The following ATF6 variants were observed in gnomAD, a reference collection of about 807,000 sequenced individuals.
ATF6 encodes activating transcription factor 6, also known as cyclic AMP-dependent transcription factor ATF-6 alpha.
A neutral mutation model predicts 83.6 loss-of-function variants in ATF6; 53 were observed. The ratio of observed to expected loss-of-function variants is 0.63; its 90% CI spans 0.51 to 0.80. The LOEUF (loss-of-function observed/expected upper bound fraction) is 0.80. Ranked by LOEUF, ATF6 falls within the 30% of genes least tolerant of loss-of-function variation. The probability of loss-of-function intolerance (pLI) is 0.00; values close to 1 mark genes in which losing one functional copy is unlikely to be tolerated. For synonymous variants in ATF6, 288 were observed against 285.8 expected (o/e 1.01, Z -0.08); for missense variants, 744 against 797.9 (o/e 0.93, Z 0.81).
chr1:161,889,175 A>C (rs1208957435), intron 14 of ATF6, among the ~76,000 whole-genome samples: 1 of 152,238 alleles, frequency 6.6e-6, no homozygotes, highest in African/African-American at 2.4e-5. Flanking sequence ...GCACATGTGT[A>C]TAGTTGAAGC....
intron 1 of ATF6, among the ~76,000 whole-genome samples, chr1:161,769,538 C>T (rs1684338130): frequency 6.6e-6 from 1 of 152,122 alleles, no homozygotes; most frequent in South Asian, 2.1e-4. Flanking sequence ...CAGGGAGGCA[C>T]AGGAAATGTT....
chr1:161,768,853 C>T (rs1480489655), intron 1 of ATF6, among the ~76,000 whole-genome samples: 1 of 152,080 alleles, frequency 6.6e-6, no homozygotes, highest in Non-Finnish European at 1.5e-5. Context: ...AGGCTCAAGC[C>T]ACTGTGTCTA....
rs1571266231 is a variant in ATF6, at chr1:161,960,499, C to T, written c.*1845C>T. On this transcript the variant is annotated 3_prime_UTR_variant, in exon 16 of 16. Transcript: ENST00000367942. ...TTTAAAGAACCATCAGCACTTCTAA[C>T]TCTCTGGACAGGTGCCTCTTTGTCC... The T allele has an allele frequency of 6.6e-6, 1 of 152,244 alleles. No individual in the cohort carries two copies. Among genetic ancestry groups the T allele is most frequent in the Non-Finnish European group, 1.5e-5 (1 of 68,046 alleles). The allele number at this position is 152,244 out of a possible 1,614,324, so 9.4% of individuals were successfully genotyped here.
intron 12 of ATF6, 117 bp from the exon 13 acceptor site, chr1:161,860,090 G>A (rs1221538441): frequency 5.5e-6 from 3 of 545,882 alleles, no homozygotes; most frequent in East Asian, 6.5e-5. Context: ...AACTGAATAT[G>A]TCAGAAATCT....
At chr1:161,839,663 G>A (rs546413317) in intron 9 of ATF6, among the ~76,000 whole-genome samples, 14 of 152,332 alleles carry the variant, frequency 9.2e-5, no homozygotes, top group African/African-American at 4.8e-5. Context: ...GTGAGCCACT[G>A]TTCCCTGCCA....
intron 14 of ATF6, among the ~76,000 whole-genome samples, chr1:161,866,930 T>G (rs965577121): frequency 6.6e-6 from 1 of 152,154 alleles, no homozygotes; most frequent in Admixed American, 6.6e-5. Context: ...ATTTATTTTT[T>G]GTAGAGATGG....
chr1:161,846,494 T>G lies in ATF6; in HGVS notation c.1233T>G (p.Pro411=). The change falls in exon 10 of 16, where the codon CCT becomes CCG. Residue 411 remains proline, a synonymous_variant. Coordinates refer to ENST00000367942, the MANE Select transcript of ATF6 (RefSeq NM_007348.4). ...GGAGAATGAACCCTAGTGTGAGCCC[T>G]GCAAATCAAAGGAGGCACCTTCTAG... is the stretch of plus-strand genomic sequence containing the variant. ...DSRRMNPSVS[P]ANQRRHLLGF... is the part of the protein sequence containing the mutation. 6.2e-7 allele frequency: 1 copy of G among 1,611,060 alleles called. No individual in the cohort carries two copies. Among genetic ancestry groups the G allele is most frequent in the African/African-American group, 1.3e-5 (1 of 74,860 alleles).
At chr1:161,921,152 T>C (rs1201305322) in intron 15 of ATF6, among the ~76,000 whole-genome samples, 1 of 152,210 alleles carries the variant, frequency 6.6e-6, no homozygotes, top group Non-Finnish European at 1.5e-5. Flanking sequence ...AAGCAGCAGC[T>C]GCTTGCTGCA....
intron 15 of ATF6, among the ~76,000 whole-genome samples, chr1:161,955,647 C>G (rs4656340): frequency 0.65 from 98,808 of 152,092 alleles, 33,712 homozygotes; most frequent in Non-Finnish European, 0.77. Context: ...ATGTCTCATA[C>G]AGTAGACCAG....
At chr1:161,780,590 G>A (rs1474171875) in intron 2 of ATF6, among the ~76,000 whole-genome samples, 1 of 151,984 alleles carries the variant, frequency 6.6e-6, no homozygotes, top group Non-Finnish European at 1.5e-5. Flanking sequence ...AGCCAGGATG[G>A]TCTCGATCTC....
Position 161,766,386 on chromosome 1 carries a change from G to A in ATF6, c.26G>A (p.Gly9Asp). 6.2e-7 allele frequency: 1 copy of A among 1,612,968 alleles called. No homozygotes were observed. Among genetic ancestry groups the A allele is most frequent in the Non-Finnish European group, 8.5e-7 (1 of 1,179,450 alleles). Residue 9 changes from glycine (G) to aspartate (D), a missense_variant, in exon 1 of 16, where the codon GGC becomes GAC. By Grantham distance (94) the Gly-to-Asp change is moderately conservative. Transcript: ENST00000367942. ...ATGGGGGAGCCGGCTGGGGTTGCCG[G>A]CACCATGGAGTCACCTTTTAGCCCG... MGEPAGVA[G>D]TMESPFSPGL...
chr1:161,909,445 C>T (rs1177969577), intron 14 of ATF6, among the ~76,000 whole-genome samples: 3 of 151,982 alleles, frequency 2.0e-5, no homozygotes, highest in African/African-American at 7.3e-5. Flanking sequence ...TCTGGGTGGC[C>T]TTGTGCCCAA....
At chr1:161,841,769 A>G (rs1686363791) in intron 9 of ATF6, among the ~76,000 whole-genome samples, 1 of 152,218 alleles carries the variant, frequency 6.6e-6, no homozygotes, top group African/African-American at 2.4e-5. Context: ...TGTCATTACA[A>G]TGTGATAATC....
chr1:161,944,610 C>T (rs1196303482), intron 15 of ATF6, among the ~76,000 whole-genome samples: 1 of 152,188 alleles, frequency 6.6e-6, no homozygotes, highest in African/African-American at 2.4e-5. Context: ...GTAGGCTTGT[C>T]ATCTCACTGT....
At chr1:161,879,096 G>A (rs563219232) in intron 14 of ATF6, among the ~76,000 whole-genome samples, 141 of 152,188 alleles carry the variant, frequency 9.3e-4, no homozygotes, top group Middle Eastern at 6.8e-3. Flanking sequence ...TGCTAGTAAG[G>A]CAGGACATTA....
chr1:161,791,974 A>G (rs1684889442), intron 5 of ATF6, 150 bp from the exon 6 acceptor site: 5 of 725,950 alleles, frequency 6.9e-6, no homozygotes, highest in South Asian at 5.1e-5. Flanking sequence ...TCATTCAGGT[A>G]TATGTACTGT....
chr1:161,892,263 T>C (rs1038431731), intron 14 of ATF6: 1 of 152,226 alleles, frequency 6.6e-6, no homozygotes, highest in Non-Finnish European at 1.5e-5. Flanking sequence ...AATTTCCTAC[T>C]TCAGGTGGAC....
intron 15 of ATF6, among the ~76,000 whole-genome samples, chr1:161,953,473 C>G (rs947752879): frequency 6.6e-6 from 1 of 152,132 alleles, no homozygotes; most frequent in Non-Finnish European, 1.5e-5. Context: ...CAAGCTCTCC[C>G]TATCTGAATC....
In ATF6 at chr1:161,894,362, T is replaced by C. The variant is rs973553742; in HGVS notation, c.1720-17934T>C. On this transcript the variant is annotated intron_variant, in intron 14 of 15. Transcript: ENST00000367942. Reference sequence around the variant, plus strand: ...AGTTGAAATTAGTAGATCTAATTTTTATGATTGAGTGAAATGTCTTAAACC... The same window carrying C: ...AGTTGAAATTAGTAGATCTAATTTTCATGATTGAGTGAAATGTCTTAAACC... Among the ~76,000 whole-genome samples, 8 of 151,740 alleles carry C rather than the reference T, an allele frequency of 5.3e-5. 1 individual carries two copies. The highest frequency in any genetic ancestry group is 1.5e-4 in the African/African-American group (6 of 41,366).
Sources: allele counts gnomAD v4.1 joint callset (sites outside exome capture counted in the v4.1 genomes callset), GRCh38; gene constraint gnomAD v4.1.1; transcripts MANE v1.5; gene names NCBI Gene and HGNC (gene_info 2026-07-23, HGNC 2026-07-21).